The following GRIK2 variants were observed in gnomAD, a reference collection of about 807,000 sequenced individuals.
GRIK2 encodes the protein glutamate receptor ionotropic, kainate 2.
Under a neutral mutation model 100.3 loss-of-function variants are expected in GRIK2, and 32 were observed. That is an observed-to-expected ratio of 0.32 (90% CI 0.24 to 0.43). The LOEUF (loss-of-function observed/expected upper bound fraction) is 0.43, where lower values mean the gene tolerates loss of function less well. GRIK2 is among the 20% of genes least tolerant of loss of function. GRIK2 has a pLI of 1.00. For synonymous variants in GRIK2, 417 were observed against 389.4 expected, an observed-to-expected ratio of 1.07 and a Z score of -0.83; for missense variants, 843 against 1,114.9, an observed-to-expected ratio of 0.76 and a Z score of 3.47.
At chr6:102,048,470 G>GTTT (rs754858591) in intron 15 of GRIK2, among the ~76,000 whole-genome samples, 15 of 152,140 alleles carry the variant, frequency 9.9e-5, no homozygotes, top group Admixed American at 7.2e-4. Context: ...TCAATAAGGT[G>GTTT]TTAAATCAAA....
At chr6:101,664,059 A>G (rs1769831262) in intron 4 of GRIK2, among the ~76,000 whole-genome samples, 1 of 152,224 alleles carries the variant, frequency 6.6e-6, no homozygotes, top group Admixed American at 6.5e-5. Context: ...GAACAGAGAA[A>G]CAAAGAATTC....
chr6:101,895,397 T>A (rs1055003069), intron 12 of GRIK2, among the ~76,000 whole-genome samples: 2 of 151,710 alleles, frequency 1.3e-5, no homozygotes, highest in African/African-American at 4.8e-5. Context: ...CAACACTGTC[T>A]TAACTTTATA....
chr6:102,054,196 A>G (rs1037420756), intron 15 of GRIK2, among the ~76,000 whole-genome samples: 4 of 152,152 alleles, frequency 2.6e-5, no homozygotes, highest in African/African-American at 7.2e-5. Context: ...CATTTGTCCA[A>G]CTTTTTAAAC....
chr6:101,411,653 A>G (rs1775888624), intron 2 of GRIK2, among the ~76,000 whole-genome samples: 1 of 152,142 alleles, frequency 6.6e-6, no homozygotes. Flanking sequence ...TGTCTAGATG[A>G]TGAAAAACAA....
At chr6:101,512,611 T>A (rs1423707052) in intron 2 of GRIK2, among the ~76,000 whole-genome samples, 7 of 152,164 alleles carry the variant, frequency 4.6e-5, no homozygotes. Flanking sequence ...CTGTCAAATA[T>A]GTCAATAATT....
chr6:101,901,979 A>C (rs2128461867), intron 12 of GRIK2, among the ~76,000 whole-genome samples: 1 of 152,100 alleles, frequency 6.6e-6, no homozygotes, highest in Admixed American at 6.6e-5. Flanking sequence ...TACTAACACT[A>C]CCAATTAAAT....
At chr6:101,743,412 T>C (rs1339396524) in intron 7 of GRIK2, among the ~76,000 whole-genome samples, 3 of 152,242 alleles carry the variant, frequency 2.0e-5, no homozygotes, top group African/African-American at 4.8e-5. Context: ...GCCCTTGTTT[T>C]AAGCAGGGTT....
chr6:101,855,828 G>A (rs1235245047), intron 10 of GRIK2, among the ~76,000 whole-genome samples: 1 of 152,010 alleles, frequency 6.6e-6, no homozygotes, highest in Non-Finnish European at 1.5e-5. Flanking sequence ...GGACTGAGGG[G>A]GGGCAGAAAT....
chr6:102,010,466 C>A (rs916741428), intron 14 of GRIK2, among the ~76,000 whole-genome samples: 3 of 152,062 alleles, frequency 2.0e-5, no homozygotes, highest in Non-Finnish European at 4.4e-5. Flanking sequence ...TCACTGCAAC[C>A]TCCGCCTCCT....
At chr6:101,571,687 C>T (rs1777539737) in intron 2 of GRIK2, among the ~76,000 whole-genome samples, 1 of 152,054 alleles carries the variant, frequency 6.6e-6, no homozygotes, top group African/African-American at 2.4e-5. Flanking sequence ...TAAATACTTT[C>T]TGCAGATAAT....
intron 4 of GRIK2, among the ~76,000 whole-genome samples, chr6:101,662,246 T>C (rs1009876409): frequency 8.5e-5 from 13 of 152,326 alleles, no homozygotes; most frequent in African/African-American, 2.9e-4. Context: ...CTGTGTGAAC[T>C]GTGAAGCAGA....
chr6:101,523,594 T>C (rs1179771542), intron 2 of GRIK2, among the ~76,000 whole-genome samples: 1 of 152,080 alleles, frequency 6.6e-6, no homozygotes, highest in African/African-American at 2.4e-5. Context: ...TCCAAACTGA[T>C]GAAAGTATAA....
intron 12 of GRIK2, among the ~76,000 whole-genome samples, chr6:101,908,695 AGT>A (rs1358187885): frequency 1.5e-4 from 23 of 151,388 alleles, no homozygotes; most frequent in Non-Finnish European, 2.2e-4. Flanking sequence ...AAATTTGCAA[AGT>A]GTAATATGTT....
At chr6:101,988,164 C>T (rs888373392) in intron 14 of GRIK2, among the ~76,000 whole-genome samples, 2 of 136,068 alleles carry the variant, frequency 1.5e-5, no homozygotes, top group Non-Finnish European at 3.2e-5. Context: ...CGTGCGCGCA[C>T]ATGCAAGAGC....
intron 7 of GRIK2, among the ~76,000 whole-genome samples, chr6:101,754,179 A>G (rs1407760137): frequency 2.0e-5 from 3 of 152,140 alleles, no homozygotes; most frequent in Non-Finnish European, 4.4e-5. Flanking sequence ...TTCTTTTATT[A>G]TGTATTTTCA....
chr6:102,007,901 G>A (rs1220902676), intron 14 of GRIK2, among the ~76,000 whole-genome samples: 1 of 152,046 alleles, frequency 6.6e-6, no homozygotes, highest in Non-Finnish European at 1.5e-5. Flanking sequence ...CCCTACATTT[G>A]AAGTATAAGT....
intron 14 of GRIK2, among the ~76,000 whole-genome samples, chr6:101,968,241 A>G (rs1369350054): frequency 6.6e-6 from 1 of 152,116 alleles, no homozygotes; most frequent in Non-Finnish European, 1.5e-5. Flanking sequence ...ACATAAACAC[A>G]TAGGTACACA....
chr6:101,848,303 C>G (rs549087437), intron 10 of GRIK2, among the ~76,000 whole-genome samples: 35 of 149,512 alleles, frequency 2.3e-4, no homozygotes, highest in African/African-American at 8.5e-4. Flanking sequence ...AAAATTGATT[C>G]TGATGGTTTG....
chr6:101,593,605 A>G (rs1778779700), intron 2 of GRIK2, among the ~76,000 whole-genome samples: 1 of 151,922 alleles, frequency 6.6e-6, no homozygotes. Context: ...TACAGAGCCT[A>G]AAATAGAAAG....
Sources: allele counts gnomAD v4.1 joint callset (sites outside exome capture counted in the v4.1 genomes callset), GRCh38; gene constraint gnomAD v4.1.1; transcripts MANE v1.5; gene names NCBI Gene and HGNC (gene_info 2026-07-23, HGNC 2026-07-21).